PITPNM3: variants seen among roughly 807,000 people sequenced by gnomAD.
PITPNM3 encodes membrane-associated phosphatidylinositol transfer protein 3.
In PITPNM3, 26 loss-of-function variants were observed where a neutral mutation model predicts 102.0. The ratio of observed to expected loss-of-function variants is 0.25; its 90% CI spans 0.19 to 0.35. The LOEUF (loss-of-function observed/expected upper bound fraction) is 0.35. Ranked by LOEUF, PITPNM3 falls within the 10% of genes least tolerant of loss-of-function variation. The probability of loss-of-function intolerance (pLI) is 1.00; values close to 1 mark genes in which losing one functional copy is unlikely to be tolerated. For synonymous variants in PITPNM3, 578 were observed against 558.6 expected (o/e 1.03, Z -0.49); for missense variants, 1,083 against 1,346.1 (o/e 0.80, Z 3.06).
chr17:6,511,486 G>A (rs1036218021), intron 3 of PITPNM3, among the ~76,000 whole-genome samples: 2 of 152,216 alleles, frequency 1.3e-5, no homozygotes, highest in East Asian at 1.9e-4. Context: ...GATCTAAGGA[G>A]GGAGGCAGGA....
rs1295650657 is a variant in PITPNM3, at chr17:6,538,005, C to G, written c.100G>C (p.Glu34Gln). Residue 34 changes from glutamate to glutamine, a missense_variant, in exon 2 of 20, where the codon GAA becomes CAA. Around this residue, in one of 5 missense-constraint regions of PITPNM3, gnomAD observed 290 missense variants for 337.8 expected, o/e 0.86. Transcript: ENST00000262483. ...LSDSVESSDD[E>Q]FFDAREEMAE... ...CACTCACCTCTGGCATCAAAGAATTCATCATCTGAGCTCTCCACAGAGTCA... is the reference window on the plus strand; with the variant it reads ...CACTCACCTCTGGCATCAAAGAATTGATCATCTGAGCTCTCCACAGAGTCA... 3 of 1,613,602 alleles carry G rather than the reference C, an allele frequency of 1.9e-6. No homozygotes were observed. Among genetic ancestry groups the G allele is most frequent in the Non-Finnish European group, 2.5e-6 (3 of 1,179,622 alleles).
At chr17:6,534,384 C>T (rs1909301140) in intron 2 of PITPNM3, among the ~76,000 whole-genome samples, 2 of 152,210 alleles carry the variant, frequency 1.3e-5, no homozygotes, top group Admixed American at 1.3e-4. Flanking sequence ...CCATACAGAA[C>T]CAGAGACCCC....
chr17:6,473,389 A>G (rs932963508), intron 10 of PITPNM3, among the ~76,000 whole-genome samples: 5 of 152,044 alleles, frequency 3.3e-5, no homozygotes, highest in Non-Finnish European at 5.9e-5. Flanking sequence ...TAGAACAGGG[A>G]CTGGACCGTC....
intron 1 of PITPNM3, among the ~76,000 whole-genome samples, chr17:6,549,634 C>T (rs1910203193): frequency 2.0e-5 from 3 of 152,240 alleles, no homozygotes; most frequent in Admixed American, 1.3e-4. Context: ...CTCACTAAGC[C>T]TCCTATTCCA....
chr17:6,482,034 C>T (rs1567670336), intron 6 of PITPNM3, among the ~76,000 whole-genome samples: 1 of 77,346 alleles, frequency 1.3e-5, no homozygotes, highest in Admixed American at 1.4e-4. Context: ...CTCTCTCTCT[C>T]TGTCTGTCTC....
At position 6,470,593 on chromosome 17, in the gene PITPNM3, C is replaced by A. The variant is rs1218208446; in HGVS notation, c.1625-185G>T. Among the ~76,000 whole-genome samples the A allele has an allele frequency of 6.6e-6, 1 of 152,180 alleles. No homozygotes were observed. Among genetic ancestry groups the A allele is most frequent in the Non-Finnish European group, 1.5e-5 (1 of 68,022 alleles). ...GCTCTTCCTCCTTCCTTCTCAAAACCCACCAGCCCTCCCCTAAGATGTGCG... is the reference window on the plus strand; with the variant it reads ...GCTCTTCCTCCTTCCTTCTCAAAACACACCAGCCCTCCCCTAAGATGTGCG... On this transcript the variant is annotated intron_variant, in intron 12 of 19. Coordinates refer to ENST00000262483, the MANE Select transcript of PITPNM3 (RefSeq NM_031220.4). The surrounding 1 kb of genome is among the most constrained non-coding windows in gnomAD (Gnocchi z 4.8).
chr17:6,514,011 A>G (rs1908010694), intron 3 of PITPNM3, among the ~76,000 whole-genome samples: 1 of 152,204 alleles, frequency 6.6e-6, no homozygotes, highest in Non-Finnish European at 1.5e-5. Context: ...TGCCTAAACA[A>G]TTCAATGGAT....
Position 6,459,759 on chromosome 17 carries a change from G to A in PITPNM3, c.2490+1614C>T, listed in dbSNP as rs1437889534. On this transcript the variant is annotated intron_variant, in intron 18 of 19. Coordinates refer to ENST00000262483, the MANE Select transcript of PITPNM3 (RefSeq NM_031220.4). This position sits in a 1 kb window ranked among gnomAD's most constrained non-coding sequence, Gnocchi z 5.0. The stretch of plus-strand genomic sequence containing the variant: ...GCCTCCATGGAGACCTTGGTCAGGT[G>A]TGTAGCACCTGGATCCCTCCTGGTC... Among the ~76,000 whole-genome samples the A allele has an allele frequency of 6.6e-6, 1 of 152,174 alleles. No individual in the cohort carries two copies. Among genetic ancestry groups the A allele is most frequent in the Non-Finnish European group, 1.5e-5 (1 of 68,040 alleles).
Position 6,505,035 on chromosome 17 carries a change from G to A in PITPNM3, c.227-1461C>T, listed in dbSNP as rs535714052. ...ACTAAAATACAAAAACTAGCCAGGC[G>A]TGGTGGCGCATATCTATAATCCCGA... is the stretch of plus-strand genomic sequence containing the variant. On this transcript the variant is annotated intron_variant, in intron 3 of 19. Transcript: ENST00000262483. Among the ~76,000 whole-genome samples, 12 of 152,034 alleles carry A rather than the reference G, an allele frequency of 7.9e-5. No homozygotes were observed. The South Asian group carries it at 2.1e-3, about 26-fold the overall frequency.
intron 10 of PITPNM3, among the ~76,000 whole-genome samples, chr17:6,474,067 C>G (rs1419671802): frequency 6.6e-6 from 1 of 151,594 alleles, no homozygotes; most frequent in Non-Finnish European, 1.5e-5. Context: ...GGTGGTGAGA[C>G]CAACCTGGCA....
chr17:6,478,040 T>C lies in PITPNM3; in HGVS notation c.835A>G (p.Ser279Gly). Residue 279 changes from serine (S) to glycine (G), a missense_variant, in exon 8 of 20, where the codon AGT (serine) becomes GGT (glycine). Physicochemically the swap from Ser to Gly is moderately conservative, Grantham distance 56 (BLOSUM62 0). Coordinates refer to ENST00000262483, the MANE Select transcript of PITPNM3 (RefSeq NM_031220.4). This position sits in a 1 kb window ranked among gnomAD's most constrained non-coding sequence, Gnocchi z 4.4. ...GLLAFDAICY[S>G]AGPSGDSPAS... ...GGGCTGTCCCCTGAGGGCCCCGCAC[T>C]GTAGCAGATGGCATCGAAGGCCAGG... 6.2e-7 allele frequency: 1 copy of C among 1,613,776 alleles called. No individual in the cohort carries two copies. The highest frequency in any genetic ancestry group is 2.2e-5 in the East Asian group (1 of 44,888).
At chr17:6,544,006 G>A (rs1050871821) in intron 1 of PITPNM3, among the ~76,000 whole-genome samples, 1 of 152,222 alleles carries the variant, frequency 6.6e-6, no homozygotes, top group Non-Finnish European at 1.5e-5. Context: ...ATGGGTGTCT[G>A]CTGGCAGCTG....
chr17:6,552,925 C>G (rs573436913), intron 1 of PITPNM3, among the ~76,000 whole-genome samples: 1 of 152,168 alleles, frequency 6.6e-6, no homozygotes, highest in East Asian at 1.9e-4. Flanking sequence ...CACCATCACG[C>G]CTGGCTAATT....
Position 6,483,385 on chromosome 17 carries a change from C to T in PITPNM3, c.587+132G>A, listed in dbSNP as rs372618600. On this transcript the variant is annotated intron_variant, in intron 6 of 19. Transcript: ENST00000262483. Reference sequence around the variant, plus strand: ...CCTTCCACCAGGGATGCTTGTGTTTCGTCACGATCTGACACCCCAGAGAGT... The same window carrying T: ...CCTTCCACCAGGGATGCTTGTGTTTTGTCACGATCTGACACCCCAGAGAGT... 5.7e-5 allele frequency: 51 copies of T among 890,898 alleles called. 1 individual carries two copies. The highest frequency in any genetic ancestry group is 2.4e-4 in the East Asian group (9 of 37,778). The allele number at this position is 890,898 out of a possible 1,614,324, so 55.2% of individuals were successfully genotyped here. A position where few individuals can be genotyped will look rare whatever the true frequency, so the allele number is the denominator to read the frequency against.
intron 3 of PITPNM3, among the ~76,000 whole-genome samples, chr17:6,511,872 G>A (rs1018249280): frequency 6.6e-6 from 1 of 152,150 alleles, no homozygotes; most frequent in Non-Finnish European, 1.5e-5. Flanking sequence ...TTGAACCCAG[G>A]AGGTGGAGGT....
In PITPNM3 at chr17:6,472,726, G is replaced by C. The variant is rs374676609; in HGVS notation, c.1360C>G (p.Leu454Val). The change falls in exon 11 of 20, where the codon CTG (leucine) becomes GTG (valine). Residue 454 changes from leucine to valine, a missense_variant. By Grantham distance (32) the Leu-to-Val change is conservative. Transcript: ENST00000262483. The surrounding 1 kb of genome is among the most constrained non-coding windows in gnomAD (Gnocchi z 4.1). ...LEPLLEPKFH[L>V]VPPVSVPRYQ... ...CGAGGCACGCTGACAGGCGGCACCAGGTGGAACTTGGGCTCCAGCAGTGGC... is the reference window on the plus strand; with the variant it reads ...CGAGGCACGCTGACAGGCGGCACCACGTGGAACTTGGGCTCCAGCAGTGGC... 6.2e-7 allele frequency: 1 copy of C among 1,613,976 alleles called. No individual in the cohort carries two copies. Among genetic ancestry groups the C allele is most frequent in the African/African-American group, 1.3e-5 (1 of 74,948 alleles).
intron 3 of PITPNM3, among the ~76,000 whole-genome samples, chr17:6,522,286 G>GTGCACA (rs1555559213): frequency 6.7e-6 from 1 of 149,316 alleles, no homozygotes; most frequent in East Asian, 2.0e-4. Context: ...TTTAGTGTGC[G>GTGCACA]CACACACACA....
At chr17:6,533,129 A>C (rs1487247825) in intron 2 of PITPNM3, among the ~76,000 whole-genome samples, 1 of 151,358 alleles carries the variant, frequency 6.6e-6, no homozygotes, top group Non-Finnish European at 1.5e-5. Flanking sequence ...TGCCCAGCTA[A>C]TTTTCTATTT....
chr17:6,553,687 C>T (rs1567700244), intron 1 of PITPNM3, among the ~76,000 whole-genome samples: 1 of 152,122 alleles, frequency 6.6e-6, no homozygotes, highest in South Asian at 2.1e-4. Flanking sequence ...ATTCACAGGC[C>T]GGGTGCCACA....
Sources: gnomAD v4.1 joint callset for allele counts (sites outside exome capture counted in the v4.1 genomes callset) on GRCh38, gnomAD v4.1.1 for gene constraint, gnomAD v4.1.1 regional missense constraint, Gnocchi (gnomAD v3.1) non-coding constraint, MANE v1.5 for transcripts, NCBI Gene and HGNC (gene_info 2026-07-23, HGNC 2026-07-21) for gene names.